The following ACADS variants were observed in gnomAD, a reference collection of about 807,000 sequenced individuals.
ACADS encodes short-chain specific acyl-CoA dehydrogenase, mitochondrial.
A neutral mutation model predicts 46.8 loss-of-function variants in ACADS; 28 were observed. That is an observed-to-expected ratio of 0.60 (90% confidence interval 0.44 to 0.82). The LOEUF is 0.82. Among genes scored for constraint, ACADS ranks in the 40% least tolerant of loss-of-function variants. The pLI is 0.00. For synonymous variants in ACADS, 236 were observed against 237.7 expected, an observed-to-expected ratio of 0.99 and a Z score of 0.07; for missense variants, 528 against 578.0, an observed-to-expected ratio of 0.91 and a Z score of 0.89.
rs541587321 is a variant in ACADS at position 120,739,194 on chromosome 12, C to T, written c.1084C>T (p.Gln362Ter). ...ASEAATAISH[Q>*]AIQILGGMGY... ...GGAGGCCGCGACCGCCATCAGCCAC[C>T]AGGTGAGTGTCCACAGTGAGCTCTG... is the stretch of plus-strand genomic sequence containing the variant. Residue 362 changes from glutamine (Q) to a stop codon, truncating the protein, a stop_gained and splice_region_variant, in exon 9 of 10, where the codon CAG (glutamine) becomes TAG (stop). Transcript: ENST00000242592. LOFTEE classifies it high-confidence loss of function. 3.7e-6 allele frequency: 6 copies of T among 1,613,082 alleles called. No homozygotes were observed. The South Asian group carries it at 6.6e-5, about 18-fold the overall frequency.
rs1341163992 is a variant in ACADS at position 120,738,294 on chromosome 12, C to T, written c.639C>T (p.Phe213=). The change falls in exon 6 of 10, where the codon TTC becomes TTT. Residue 213 remains phenylalanine (F), a synonymous_variant. Transcript: ENST00000242592. Reference sequence around the variant, plus strand: ...TCTCCTTTCAGGGCATCAGTGCCTTCCTGGTCCCCATGCCAACGCCTGGGC... The same window carrying T: ...TCTCCTTTCAGGGCATCAGTGCCTTTCTGGTCCCCATGCCAACGCCTGGGC... ...RALQNKGISA[F]LVPMPTPGLT... 6.2e-7 allele frequency: 1 copy of T among 1,614,184 alleles called. No homozygotes were observed. The highest frequency in any genetic ancestry group is 8.5e-7 in the Non-Finnish European group (1 of 1,180,032).
chr12:120,738,552 G>T lies in ACADS; in HGVS notation c.815G>T (p.Arg272Leu), dbSNP rs374726386. 3 of 1,610,622 alleles carry T rather than the reference G, an allele frequency of 1.9e-6. No individual in the cohort carries two copies. Among genetic ancestry groups the T allele is most frequent in the East Asian group, 2.2e-5 (1 of 44,874 alleles). Residue 272 changes from arginine (R) to leucine (L), a missense_variant, in exon 7 of 10, where the codon CGC (arginine) becomes CTC (leucine). By Grantham distance (102) the Arg-to-Leu change is moderately radical (BLOSUM62 -2). Transcript: ENST00000242592. ...KIAMQTLDMG[R>L]IGIASQALGI... ...CCACAGCAAACCCTGGACATGGGCC[G>T]CATCGGCATCGCCTCCCAGGCCCTG... is the stretch of plus-strand genomic sequence containing the variant.
At chr12:120,735,348 TAAAA>T (rs756263687) in intron 2 of ACADS, among the ~76,000 whole-genome samples, 1 of 72,242 alleles carries the variant, frequency 1.4e-5, no homozygotes, top group Non-Finnish European at 2.6e-5. Context: ...GCGCAGTCCT[TAAAA>T]AAAAAAAAAA....
chr12:120,733,724 A>G (rs1052301825), intron 2 of ACADS, among the ~76,000 whole-genome samples: 1 of 151,858 alleles, frequency 6.6e-6, no homozygotes, highest in African/African-American at 2.4e-5. Flanking sequence ...CCCATTTGTC[A>G]CTGTGGATGA....
At position 120,739,691 on chromosome 12, in the gene ACADS, T is replaced by G; in HGVS notation, c.*243T>G. 1.8e-6 allele frequency: 1 copy of G among 569,984 alleles called. No individual in the cohort carries two copies. The highest frequency in any genetic ancestry group is 3.1e-6 in the Non-Finnish European group (1 of 320,478). 35.3% of individuals were successfully genotyped at this position (569,984 alleles called of 1,614,324 possible). On this transcript the variant is annotated 3_prime_UTR_variant, in exon 10 of 10. Coordinates refer to ENST00000242592, the MANE Select transcript of ACADS (RefSeq NM_000017.4). ...GTTCCTCATCTAAGTGGCCCTGGCCTCCTGGGGGCGGGGTTGTGGGGGGGC... is the reference window on the plus strand; with the variant it reads ...GTTCCTCATCTAAGTGGCCCTGGCCGCCTGGGGGCGGGGTTGTGGGGGGGC...
intron 2 of ACADS, among the ~76,000 whole-genome samples, chr12:120,729,404 C>T (rs749911634): frequency 6.6e-6 from 1 of 151,684 alleles, no homozygotes; most frequent in Non-Finnish European, 1.5e-5. Context: ...ACTACAGGTG[C>T]CCGCCACCAT....
At chr12:120,735,768 G>A (rs1485606557) in intron 2 of ACADS, among the ~76,000 whole-genome samples, 2 of 151,728 alleles carry the variant, frequency 1.3e-5, no homozygotes, top group African/African-American at 4.8e-5. Context: ...GCGTGATTAT[G>A]GGCACCTGTA....
At chr12:120,729,644 C>A (rs376549190) in intron 2 of ACADS, among the ~76,000 whole-genome samples, 13 of 152,162 alleles carry the variant, frequency 8.5e-5, no homozygotes, top group Middle Eastern at 3.2e-3. Flanking sequence ...CTCCCTGTCT[C>A]TTTTTCAGGA....
At chr12:120,729,445 A>G (rs1279575091) in intron 2 of ACADS, among the ~76,000 whole-genome samples, 1 of 151,668 alleles carries the variant, frequency 6.6e-6, no homozygotes, top group African/African-American at 2.4e-5. Flanking sequence ...TTTAGTAGAG[A>G]TGGGGTTTCA....
intron 2 of ACADS, among the ~76,000 whole-genome samples, chr12:120,732,390 G>A (rs984756417): frequency 9.9e-5 from 15 of 151,498 alleles, no homozygotes; most frequent in African/African-American, 2.4e-4. Context: ...CTTCCCAGAC[G>A]GGGTGTCTGC....
At position 120,738,848 on chromosome 12, in the gene ACADS, T is replaced by C; in HGVS notation, c.962T>C (p.Leu321Pro). The change falls in exon 8 of 10, where the codon CTG becomes CCG. Residue 321 changes from leucine (L) to proline (P), a missense_variant. Transcript: ENST00000242592. ...AAGTTGGCAGACATGGCCCTGGCCC[T>C]GGAGAGTGCCCGGCTGCTGACCTGG... ...QFKLADMALA[L>P]ESARLLTWRA... is the part of the protein sequence containing the mutation. 1 of 1,613,540 alleles carries C rather than the reference T, an allele frequency of 6.2e-7. No individual in the cohort carries two copies.
chr12:120,734,940 T>G (rs1883379394), intron 2 of ACADS, among the ~76,000 whole-genome samples: 1 of 150,668 alleles, frequency 6.6e-6, no homozygotes, highest in South Asian at 2.1e-4. Flanking sequence ...TTGGTAGAGA[T>G]ATGGTTTCAC....
Position 120,738,592 on chromosome 12 carries a change from C to G in ACADS, c.855C>G (p.Thr285=). The change falls in exon 7 of 10, where the codon ACC becomes ACG. Residue 285 remains threonine, a synonymous_variant. Coordinates refer to ENST00000242592, the MANE Select transcript of ACADS (RefSeq NM_000017.4). ...CCCAGGCCCTGGGCATTGCCCAGAC[C>G]GCCCTCGATTGTGCTGTGAACTACG... ...IASQALGIAQ[T]ALDCAVNYAE... is the part of the protein sequence containing the mutation. The G allele has an allele frequency of 6.2e-7, 1 of 1,613,060 alleles. No individual in the cohort carries two copies. Among genetic ancestry groups the G allele is most frequent in the Non-Finnish European group, 8.5e-7 (1 of 1,180,028 alleles).
At chr12:120,736,169 A>AC (rs1883429054) in intron 2 of ACADS, among the ~76,000 whole-genome samples, 1 of 134,466 alleles carries the variant, frequency 7.4e-6, no homozygotes, top group Non-Finnish European at 1.7e-5. Flanking sequence ...TTTGGTAGAG[A>AC]TGGGGTCTTG....
intron 5 of ACADS, 36 bp downstream of exon 5, chr12:120,738,024 G>C: frequency 6.2e-7 from 1 of 1,612,276 alleles, no homozygotes; most frequent in Non-Finnish European, 8.5e-7. Flanking sequence ...GCCGGATCCT[G>C]GGCTGCTGTC....
At chr12:120,731,188 C>T (rs564641876) in intron 2 of ACADS, among the ~76,000 whole-genome samples, 20 of 152,222 alleles carry the variant, frequency 1.3e-4, no homozygotes, top group South Asian at 4.1e-4. Context: ...TGGTCTCAAA[C>T]GCCTGGACTC....
Position 120,732,550 on chromosome 12 carries a change from C to G in ACADS, c.211-4436C>G, listed in dbSNP as rs572051987. On this transcript the variant is annotated intron_variant, in intron 2 of 9. Coordinates refer to ENST00000242592, the MANE Select transcript of ACADS (RefSeq NM_000017.4). ...ACTCCTCACCTCCCAGACGGGGTGG[C>G]GGTCGGGCAGAGACACTCCTCAGTT... Among the ~76,000 whole-genome samples the G allele has an allele frequency of 1.4e-3, 215 of 149,496 alleles. 1 individual carries two copies. The highest frequency in any genetic ancestry group is 5.2e-3 in the African/African-American group (210 of 40,424).
chr12:120,737,527 A>G, intron 4 of ACADS, 60 bp downstream of exon 4: 1 of 1,479,536 alleles, frequency 6.8e-7, no homozygotes, highest in South Asian at 1.1e-5. Flanking sequence ...GAGGAGAGGA[A>G]GGTGCTAGGC....
intron 2 of ACADS, among the ~76,000 whole-genome samples, chr12:120,736,467 C>G (rs2136947635): frequency 6.6e-6 from 1 of 152,342 alleles, no homozygotes; most frequent in South Asian, 2.1e-4. Context: ...CGCAGAAGTG[C>G]TGCAGGAGAG....
Sources: gnomAD v4.1 joint callset for allele counts (sites outside exome capture counted in the v4.1 genomes callset) on GRCh38, gnomAD v4.1.1 for gene constraint, MANE v1.5 for transcripts, NCBI Gene and HGNC (gene_info 2026-07-23, HGNC 2026-07-21) for gene names.